The following IL16 variants were observed in gnomAD, a reference collection of about 807,000 sequenced individuals.
IL16 encodes pro-interleukin-16.
IL16 carries 67 observed loss-of-function variants against 110.1 expected under a neutral mutation model. The observed-to-expected ratio is 0.61, with a 90% confidence interval of 0.50 to 0.75. The LOEUF is 0.75. IL16 is among the 30% of genes least tolerant of loss of function. The pLI is 0.00. For missense variants in IL16, 1,545 were observed against 1,655.0 expected (o/e 0.93, Z 1.15); for synonymous variants, 689 against 662.9 (o/e 1.04, Z -0.61).
chr15:81,290,443 T>C lies in IL16; in HGVS notation c.1333-10T>C, dbSNP rs1323352892. The C allele has an allele frequency of 6.2e-7, 1 of 1,604,526 alleles. No individual in the cohort carries two copies. Among genetic ancestry groups the C allele is most frequent in the Admixed American group, 1.7e-5 (1 of 59,094 alleles). ...ACTGTTTGTTTGAGGAGATGACTGA[T>C]ATTTTCTAGGTCTCTGAACAGCAAC... On this transcript the variant is annotated splice_polypyrimidine_tract_variant and intron_variant, in intron 10 of 18. Coordinates refer to ENST00000683961, the MANE Select transcript of IL16 (RefSeq NM_172217.5).
intron 2 of IL16, among the ~76,000 whole-genome samples, chr15:81,256,946 T>C (rs1897969886): frequency 6.6e-6 from 1 of 152,256 alleles, no homozygotes; most frequent in African/African-American, 2.4e-5. Context: ...ATCAGGACAT[T>C]ACCTTCTCAA....
intron 17 of IL16, 102 bp downstream of exon 17, chr15:81,306,268 T>A: frequency 1.3e-6 from 2 of 1,527,648 alleles, no homozygotes; most frequent in Non-Finnish European, 8.8e-7. Context: ...ACCCCAAGAA[T>A]GTGTGGCTGC....
chr15:81,243,157 A>ATTTT, intron 2 of IL16, among the ~76,000 whole-genome samples: 1 of 36,582 alleles, frequency 2.7e-5, no homozygotes, highest in Non-Finnish European at 5.3e-5. Context: ...ATATATATAT[A>ATTTT]TATATATTTT....
chr15:81,299,411 G>A lies in IL16; in HGVS notation c.2085G>A (p.Leu695=). 1 of 1,613,950 alleles carries A rather than the reference G, an allele frequency of 6.2e-7. No homozygotes were observed. Among genetic ancestry groups the A allele is most frequent in the Non-Finnish European group, 8.5e-7 (1 of 1,180,046 alleles). ...VTQTSPIKHP[L]LKRQARMDYS... ...AAACATCCCCGATAAAACACCCACT[G>A]CTTAAGAGGCAGGCTCGGATGGACT... is the stretch of plus-strand genomic sequence containing the variant. The change falls in exon 14 of 19, where the codon CTG becomes CTA. Residue 695 remains leucine, a synonymous_variant. Transcript: ENST00000683961.
At chr15:81,186,130 C>A (rs57807666) in intron 1 of IL16, among the ~76,000 whole-genome samples, 83 of 152,322 alleles carry the variant, frequency 5.4e-4, no homozygotes, top group African/African-American at 1.8e-3. Context: ...TCGCCCTGAA[C>A]CCTGGAAAGC....
At chr15:81,196,010 G>A (rs1431870048), upstream of IL16, among the ~76,000 whole-genome samples, 1 of 152,336 alleles carries the variant, frequency 6.6e-6, no homozygotes, top group African/African-American at 2.4e-5. Flanking sequence ...ACCTGAGCAC[G>A]CACCAAAATC....
At chr15:81,200,282 T>A (rs1294452689) in intron 1 of IL16, among the ~76,000 whole-genome samples, 1 of 151,812 alleles carries the variant, frequency 6.6e-6, no homozygotes, top group East Asian at 1.9e-4. Context: ...GTGTATGTGA[T>A]CCATGTACTA....
chr15:81,278,937 C>A, intron 7 of IL16, 47 bp downstream of exon 7: 3 of 1,257,796 alleles, frequency 2.4e-6, no homozygotes, highest in Non-Finnish European at 3.5e-6. Context: ...GGCCTTCAGG[C>A]AAAGAAACCA....
chr15:81,259,805 G>A lies in IL16; in HGVS notation c.346G>A (p.Gly116Arg). ...SSTASSREKP[G>R]KLEAQSSNFL... ...CACAGCTTCCTCTCGAGAAAAGCCT[G>A]GAAAACTAGAAGCACAAAGTAGTAA... Residue 116 changes from glycine to arginine, a missense_variant, in exon 3 of 19, where the codon GGA (glycine) becomes AGA (arginine). By Grantham distance (125) the Gly-to-Arg change is moderately radical. Coordinates refer to ENST00000683961, the MANE Select transcript of IL16 (RefSeq NM_172217.5). The A allele has an allele frequency of 6.2e-7, 1 of 1,613,838 alleles. No individual in the cohort carries two copies. The highest frequency in any genetic ancestry group is 8.5e-7 in the Non-Finnish European group (1 of 1,179,802).
chr15:81,258,731 C>T (rs1413871340), intron 2 of IL16, among the ~76,000 whole-genome samples: 1 of 80,092 alleles, frequency 1.2e-5, no homozygotes, highest in African/African-American at 8.9e-5. Context: ...CGCGCACGCG[C>T]TCTCTCTCTC....
chr15:81,249,622 A>T (rs1453712012), intron 2 of IL16, among the ~76,000 whole-genome samples: 3 of 152,038 alleles, frequency 2.0e-5, no homozygotes, highest in Non-Finnish European at 4.4e-5. Flanking sequence ...AAAATCTTCT[A>T]TATGTTTTAG....
intron 4 of IL16, among the ~76,000 whole-genome samples, chr15:81,266,282 T>C (rs7175701): frequency 0.29 from 43,449 of 152,154 alleles, 7,840 homozygotes; most frequent in African/African-American, 0.51. Flanking sequence ...TCCTATAATC[T>C]AGTGACCTGC....
chr15:81,289,618 A>AT (rs1278301301), intron 10 of IL16, among the ~76,000 whole-genome samples: 1 of 152,092 alleles, frequency 6.6e-6, no homozygotes, highest in East Asian at 1.9e-4. Flanking sequence ...CCAGTTTTTA[A>AT]TCAGGTTGTT....
At chr15:81,203,172 G>GTTTT (rs1227189404) in intron 1 of IL16, among the ~76,000 whole-genome samples, 1 of 149,684 alleles carries the variant, frequency 6.7e-6, no homozygotes, top group African/African-American at 2.5e-5. Context: ...TGATGGGGTT[G>GTTTT]TTTTTTTCTT....
chr15:81,225,839 A>C (rs1896771993), intron 2 of IL16, 128 bp downstream of exon 2: 1 of 916,166 alleles, frequency 1.1e-6, no homozygotes, highest in Non-Finnish European at 1.6e-6. Flanking sequence ...GAGAGCAAGA[A>C]AAAAGTTGAG....
intron 1 of IL16, among the ~76,000 whole-genome samples, chr15:81,214,346 T>C (rs1896350246): frequency 6.6e-6 from 1 of 152,212 alleles, no homozygotes; most frequent in Non-Finnish European, 1.5e-5. Context: ...CATTTGCTAG[T>C]CTGAGAATGA....
In IL16 at chr15:81,292,803, T is replaced by C. The variant is rs766656964; in HGVS notation, c.1668T>C (p.Ser556=). 6.2e-7 allele frequency: 1 copy of C among 1,614,100 alleles called. No individual in the cohort carries two copies. Among genetic ancestry groups the C allele is most frequent in the South Asian group, 1.1e-5 (1 of 91,076 alleles). Residue 556 remains serine, a synonymous_variant, in exon 12 of 19, where the codon TCT becomes TCC. Coordinates refer to ENST00000683961, the MANE Select transcript of IL16 (RefSeq NM_172217.5). The stretch of plus-strand genomic sequence containing the variant: ...TGGCACGGGAGCCAGTGGTGCTTTC[T>C]ATAGCATCCTCCAGGCTGCCCCAGG... ...LPLAREPVVL[S]IASSRLPQES...
chr15:81,255,736 C>G (rs1897921776), intron 2 of IL16, among the ~76,000 whole-genome samples: 1 of 146,350 alleles, frequency 6.8e-6, no homozygotes. Context: ...AGCTTTCCCT[C>G]TAACACGGCA....
At chr15:81,255,131 G>A (rs1468340012) in intron 2 of IL16, among the ~76,000 whole-genome samples, 1 of 152,204 alleles carries the variant, frequency 6.6e-6, no homozygotes, top group African/African-American at 2.4e-5. Flanking sequence ...GAGTATAGAT[G>A]AGTACTAGAC....
Sources: gnomAD v4.1 joint callset for allele counts (sites outside exome capture counted in the v4.1 genomes callset) on GRCh38, gnomAD v4.1.1 for gene constraint, MANE v1.5 for transcripts, NCBI Gene and HGNC (gene_info 2026-07-23, HGNC 2026-07-21) for gene names.